CLVS1: variants seen among roughly 807,000 people sequenced by gnomAD.
The protein encoded by CLVS1 is clavesin-1.
Under a neutral mutation model 33.1 loss-of-function variants are expected in CLVS1, and 10 were observed. The observed-to-expected ratio is 0.30, with a 90% CI of 0.19 to 0.51. The LOEUF is 0.51. CLVS1 is among the 20% of genes least tolerant of loss of function. The pLI, the probability that CLVS1 is intolerant of heterozygous loss-of-function variation, is 0.97. For synonymous variants in CLVS1, 163 were observed against 166.1 expected (o/e 0.98, Z 0.14); for missense variants, 343 against 433.4 (o/e 0.79, Z 1.85).
intron 2 of CLVS1, among the ~76,000 whole-genome samples, chr8:61,306,945 G>A (rs145138252): frequency 6.6e-6 from 1 of 152,234 alleles, no homozygotes; most frequent in Admixed American, 6.5e-5. Flanking sequence ...ACGGTCCTCT[G>A]CAAAGACCTC....
At chr8:61,140,585 C>T (rs1035230308) in intron 2 of CLVS1, among the ~76,000 whole-genome samples, 2 of 152,026 alleles carry the variant, frequency 1.3e-5, no homozygotes, top group African/African-American at 2.4e-5. Flanking sequence ...TTTTTCGAGA[C>T]GGAGTCTCGC....
At chr8:61,258,782 C>T (rs753993142) in intron 2 of CLVS1, among the ~76,000 whole-genome samples, 5 of 152,122 alleles carry the variant, frequency 3.3e-5, no homozygotes, top group Non-Finnish European at 7.4e-5. Context: ...TCCATCTACT[C>T]GTCTAGTACA....
intron 1 of CLVS1, among the ~76,000 whole-genome samples, chr8:61,078,776 GGCTAATGATGTTTC>G (rs1333294643): frequency 1.3e-5 from 2 of 152,022 alleles, no homozygotes; most frequent in African/African-American, 4.8e-5. Flanking sequence ...AGCTCTCCAT[GGCTAATGATGTTTC>G]CCTAATCATT....
At chr8:61,264,094 A>G (rs1295018207) in intron 2 of CLVS1, among the ~76,000 whole-genome samples, 1 of 152,078 alleles carries the variant, frequency 6.6e-6, no homozygotes, top group Non-Finnish European at 1.5e-5. Context: ...CAGAACAGAT[A>G]CCCTCATGCC....
the CLVS1 span, among the ~76,000 whole-genome samples, chr8:61,024,035 A>G: frequency 6.6e-6 from 1 of 152,216 alleles, no homozygotes; most frequent in Non-Finnish European, 1.5e-5. Flanking sequence ...CCATTCCTGC[A>G]TGACTCAAAG....
At chr8:61,371,574 TA>T (rs1333133553) in intron 2 of CLVS1, among the ~76,000 whole-genome samples, 1 of 152,222 alleles carries the variant, frequency 6.6e-6, no homozygotes, top group Admixed American at 6.5e-5. Context: ...ATCATATCTT[TA>T]CATGGTTATC....
intron 2 of CLVS1, among the ~76,000 whole-genome samples, chr8:61,232,041 T>TTGTG (rs1554548395): frequency 8.6e-6 from 1 of 116,004 alleles, no homozygotes; most frequent in African/African-American, 4.8e-5. Context: ...TTTTTTTTTT[T>TTGTG]TTTTTTTTTG....
intron 3 of CLVS1, among the ~76,000 whole-genome samples, chr8:61,437,493 G>A (rs1256954106): frequency 6.6e-6 from 1 of 152,140 alleles, no homozygotes; most frequent in African/African-American, 2.4e-5. Flanking sequence ...GCAATTAGGG[G>A]AGGAAATGTA....
At chr8:60,975,531 T>C in the CLVS1 span, among the ~76,000 whole-genome samples, 2 of 152,112 alleles carry the variant, frequency 1.3e-5, no homozygotes, top group African/African-American at 2.4e-5. Flanking sequence ...GTTGGAGTTA[T>C]GCTGCCACAA....
intron 2 of CLVS1, among the ~76,000 whole-genome samples, chr8:61,186,844 T>C (rs2349928): frequency 6.6e-6 from 1 of 152,218 alleles, no homozygotes; most frequent in East Asian, 1.9e-4. Context: ...AACTGACATG[T>C]GAGGAAGGAT....
chr8:61,355,264 C>T (rs1214859649), intron 2 of CLVS1, among the ~76,000 whole-genome samples: 2 of 151,854 alleles, frequency 1.3e-5, no homozygotes, highest in Non-Finnish European at 2.9e-5. Flanking sequence ...GTGTACCTCA[C>T]TCCAGTTTAA....
At chr8:61,114,519 A>G (rs543003408) in intron 1 of CLVS1, among the ~76,000 whole-genome samples, 2 of 152,386 alleles carry the variant, frequency 1.3e-5, no homozygotes, top group Admixed American at 1.3e-4. Flanking sequence ...AAGTACAACT[A>G]CACTATCAGT....
At chr8:61,007,501 C>T in the CLVS1 span, among the ~76,000 whole-genome samples, 1 of 152,188 alleles carries the variant, frequency 6.6e-6, no homozygotes, top group African/African-American at 2.4e-5. Flanking sequence ...GTTAAATCAG[C>T]ATCACTTTAT....
chr8:61,050,957 A>G, the CLVS1 span, among the ~76,000 whole-genome samples: 1 of 152,232 alleles, frequency 6.6e-6, no homozygotes, highest in East Asian at 1.9e-4. Flanking sequence ...AGCTTAGAGC[A>G]AGTGAGCAGC....
intron 2 of CLVS1, among the ~76,000 whole-genome samples, chr8:61,347,456 C>G (rs1016687520): frequency 1.7e-4 from 26 of 151,448 alleles, no homozygotes; most frequent in Admixed American, 1.6e-3. Context: ...TGATGGTTAC[C>G]AGGGGTTGGC....
chr8:61,375,746 C>A (rs1359274927), intron 2 of CLVS1, among the ~76,000 whole-genome samples: 1 of 152,074 alleles, frequency 6.6e-6, no homozygotes, highest in Non-Finnish European at 1.5e-5. Flanking sequence ...TCCTGCTCAC[C>A]AAAGAAAAAC....
chr8:61,312,900 A>T (rs565806558), intron 2 of CLVS1, among the ~76,000 whole-genome samples: 2 of 152,304 alleles, frequency 1.3e-5, no homozygotes, highest in African/African-American at 4.8e-5. Context: ...AGTTCTTACT[A>T]AAGAATCTTC....
intron 5 of CLVS1, among the ~76,000 whole-genome samples, chr8:61,492,831 A>T (rs1199887019): frequency 2.6e-5 from 4 of 152,156 alleles, no homozygotes; most frequent in Non-Finnish European, 5.9e-5. Context: ...TAAAAAAATT[A>T]TTTATCGGGT....
At chr8:61,409,200 T>G (rs1259977397) in intron 3 of CLVS1, among the ~76,000 whole-genome samples, 2 of 152,206 alleles carry the variant, frequency 1.3e-5, no homozygotes, top group Admixed American at 6.5e-5. Context: ...ACAAGGCATA[T>G]AAATCAAAAT....
Sources: gnomAD v4.1 joint callset for allele counts (sites outside exome capture counted in the v4.1 genomes callset) on GRCh38, gnomAD v4.1.1 for gene constraint, MANE v1.5 for transcripts, NCBI Gene and HGNC (gene_info 2026-07-23, HGNC 2026-07-21) for gene names.